LAMA3: variants seen among roughly 807,000 people sequenced by gnomAD.
LAMA3 encodes laminin subunit alpha 3, also known as laminin subunit alpha-3.
LAMA3 carries 281 observed loss-of-function variants against 402.0 expected under a neutral mutation model. That is an observed-to-expected ratio of 0.70 (90% CI 0.63 to 0.77). The LOEUF (loss-of-function observed/expected upper bound fraction) is 0.77. Among genes scored for constraint, LAMA3 ranks in the 30% least tolerant of loss-of-function variants. The pLI, the probability that LAMA3 is intolerant of heterozygous loss-of-function variation, is 0.00. For synonymous variants in LAMA3, 1,431 were observed against 1,558.4 expected, an observed-to-expected ratio of 0.92 and a Z score of 1.93; for missense variants, 3,840 against 4,215.5, an observed-to-expected ratio of 0.91 and a Z score of 2.47.
chr18:23,915,314 C>T lies in LAMA3; in HGVS notation c.7670C>T (p.Pro2557Leu), dbSNP rs2081575636. ...CTTCCCAGTCGACTAAGTTTCCCTC[C>T]ATACAAAGGTTGTATTGAATTAGAT... ...FKLPSRLSFP[P>L]YKGCIELDDL... The change falls in exon 59 of 75, where the codon CCA becomes CTA. Residue 2557 changes from proline to leucine, a missense_variant. By Grantham distance (98) the Pro-to-Leu change is moderately conservative (BLOSUM62 -3). Coordinates refer to ENST00000313654, the MANE Select transcript of LAMA3 (RefSeq NM_198129.4). The T allele has an allele frequency of 6.2e-7, 1 of 1,613,096 alleles. No individual in the cohort carries two copies. Among genetic ancestry groups the T allele is most frequent in the Non-Finnish European group, 8.5e-7 (1 of 1,179,188 alleles).
At position 23,871,554 on chromosome 18, in the gene LAMA3, C is replaced by T. The variant is rs762230601; in HGVS notation, c.4891C>T (p.Leu1631=). The change falls in exon 38 of 75, where the codon CTG becomes TTG. Residue 1631 remains leucine (L), a synonymous_variant. Coordinates refer to ENST00000313654, the MANE Select transcript of LAMA3 (RefSeq NM_198129.4). Reference sequence around the variant, plus strand: ...CTTCACAGAGACTCAAAGGCTCACCCTGAGCGAGGTGGGGCTAGAGGAAGC... The same window carrying T: ...CTTCACAGAGACTCAAAGGCTCACCTTGAGCGAGGTGGGGCTAGAGGAAGC... ...LYFTETQRLT[L]SEVGLEEASD... 6.2e-7 allele frequency: 1 copy of T among 1,614,222 alleles called. No individual in the cohort carries two copies. Among genetic ancestry groups the T allele is most frequent in the Non-Finnish European group, 8.5e-7 (1 of 1,180,032 alleles).
At chr18:23,808,984 GTACAC>G (rs1013667778) in intron 12 of LAMA3, among the ~76,000 whole-genome samples, 1 of 152,134 alleles carries the variant, frequency 6.6e-6, no homozygotes, top group Non-Finnish European at 1.5e-5. Context: ...CTTTTACTGT[GTACAC>G]TACACTGGAT....
intron 50 of LAMA3, 146 bp from the exon 51 acceptor site, chr18:23,904,407 A>G (rs1454001345): frequency 5.1e-5 from 50 of 978,264 alleles, no homozygotes; most frequent in Non-Finnish European, 7.3e-5. Flanking sequence ...AGACTCTGCC[A>G]TCTCTTTATT....
intron 49 of LAMA3, among the ~76,000 whole-genome samples, chr18:23,903,427 G>C (rs558420078): frequency 6.6e-6 from 1 of 152,286 alleles, no homozygotes; most frequent in South Asian, 2.1e-4. Flanking sequence ...ATTAACAGAA[G>C]ATATTTAAGA....
In LAMA3 at chr18:23,748,070, C is replaced by G; in HGVS notation, c.565+10C>G. 2 of 1,398,460 alleles carry G rather than the reference C, an allele frequency of 1.4e-6. No individual in the cohort carries two copies. Among genetic ancestry groups the G allele is most frequent in the Non-Finnish European group, 2.0e-6 (2 of 983,080 alleles). 86.6% of individuals were successfully genotyped at this position (1,398,460 alleles called of 1,614,324 possible). On this transcript the variant is annotated intron_variant, in intron 3 of 74. Coordinates refer to ENST00000313654, the MANE Select transcript of LAMA3 (RefSeq NM_198129.4). Reference sequence around the variant, plus strand: ...TGGCAATATTTTGCTCGTAAGTAATCTTGCCTACCATGTTATGCATGGCTT... The same window carrying G: ...TGGCAATATTTTGCTCGTAAGTAATGTTGCCTACCATGTTATGCATGGCTT...
intron 4 of LAMA3, among the ~76,000 whole-genome samples, chr18:23,750,550 C>A (rs1422782633): frequency 3.2e-5 from 4 of 125,504 alleles, no homozygotes; most frequent in African/African-American, 1.2e-4. Context: ...AGCTTTGTTT[C>A]TTTGATGCAG....
chr18:23,827,061 G>A (rs1182644262), intron 22 of LAMA3, among the ~76,000 whole-genome samples: 1 of 152,198 alleles, frequency 6.6e-6, no homozygotes, highest in Non-Finnish European at 1.5e-5. Context: ...TGCCCTCAAG[G>A]TCAGTCATAC....
intron 41 of LAMA3, among the ~76,000 whole-genome samples, chr18:23,885,362 C>T (rs1275839889): frequency 2.8e-5 from 4 of 141,772 alleles, no homozygotes; most frequent in Non-Finnish European, 6.2e-5. Flanking sequence ...CCCACACACA[C>T]CCCTCTATCC....
chr18:23,730,981 T>C (rs2061385517), intron 2 of LAMA3, among the ~76,000 whole-genome samples: 1 of 152,062 alleles, frequency 6.6e-6, no homozygotes, highest in Non-Finnish European at 1.5e-5. Context: ...AAGTGGATTG[T>C]TACAGAGAAG....
At chr18:23,744,603 A>G (rs1189672775) in intron 2 of LAMA3, among the ~76,000 whole-genome samples, 2 of 152,098 alleles carry the variant, frequency 1.3e-5, no homozygotes, top group African/African-American at 4.8e-5. Context: ...AGGCTGAGGC[A>G]AGTGGATCAC....
chr18:23,694,733 G>A (rs1447296257), intron 1 of LAMA3, among the ~76,000 whole-genome samples: 8 of 152,104 alleles, frequency 5.3e-5, no homozygotes, highest in African/African-American at 9.7e-5. Context: ...TAAACTTTGC[G>A]TTGCCTTGCT....
intron 65 of LAMA3, 112 bp from the exon 66 acceptor site, chr18:23,932,048 T>C: frequency 7.7e-7 from 1 of 1,303,912 alleles, no homozygotes; most frequent in Non-Finnish European, 1.1e-6. Flanking sequence ...GTTTCACTAG[T>C]TATTTTAGAT....
At position 23,943,958 on chromosome 18, in the gene LAMA3, G is replaced by A. The variant is rs1469223040; in HGVS notation, c.9197G>A (p.Gly3066Glu). The change falls in exon 69 of 75, where the codon GGG (glycine) becomes GAG (glutamate). Residue 3066 changes from glycine to glutamate, a missense_variant. By Grantham distance (98) the Gly-to-Glu change is moderately conservative. Around this residue, in one of 3 missense-constraint regions of LAMA3, gnomAD observed 840 missense variants for 981.9 expected, o/e 0.86. Transcript: ENST00000313654. ...RIKSKEKCND[G>E]KWHTVVFGHD... ...AAAAGCAAGGAGAAATGCAATGATG[G>A]GAAATGGCACACGGTAAGAGCTGGG... 2 of 1,614,050 alleles carry A rather than the reference G, an allele frequency of 1.2e-6. No individual in the cohort carries two copies. Among genetic ancestry groups the A allele is most frequent in the East Asian group, 2.2e-5 (1 of 44,884 alleles).
chr18:23,934,552 G>T (rs935440711), intron 67 of LAMA3, among the ~76,000 whole-genome samples: 11 of 152,122 alleles, frequency 7.2e-5, no homozygotes, highest in Non-Finnish European at 1.6e-4. Context: ...ACAGGATCAG[G>T]GTTTAAGGAG....
intron 19 of LAMA3, among the ~76,000 whole-genome samples, chr18:23,820,413 G>T (rs1295389702): frequency 6.6e-6 from 1 of 152,170 alleles, no homozygotes; most frequent in African/African-American, 2.4e-5. Context: ...TAAAGCTAGT[G>T]TTCCTAATTT....
intron 12 of LAMA3, among the ~76,000 whole-genome samples, chr18:23,792,816 G>A (rs1389987776): frequency 6.6e-6 from 1 of 152,180 alleles, no homozygotes; most frequent in Admixed American, 6.5e-5. Flanking sequence ...CCAGGTGAGT[G>A]TCTTGGTTCC....
rs370409067 is a variant in LAMA3, at chr18:23,890,007, G to A, written c.5304-4G>A. 108 of 1,608,362 alleles carry A rather than the reference G, an allele frequency of 6.7e-5. No individual in the cohort carries two copies. Among genetic ancestry groups the A allele is most frequent in the Middle Eastern group, 1.6e-4 (1 of 6,078 alleles). ...GTTTCTCCTCCTCTCTATATTTTGT[G>A]TAGGTGTGCACCGGGATATTTCGGG... On this transcript the variant is annotated splice_polypyrimidine_tract_variant and splice_region_variant and intron_variant, in intron 41 of 74. Coordinates refer to ENST00000313654, the MANE Select transcript of LAMA3 (RefSeq NM_198129.4).
intron 1 of LAMA3, among the ~76,000 whole-genome samples, chr18:23,697,320 C>T (rs539955720): frequency 3.9e-4 from 59 of 152,300 alleles, no homozygotes; most frequent in Non-Finnish European, 7.9e-4. Flanking sequence ...CTGCCCTCCC[C>T]ATGCCTGACT....
intron 57 of LAMA3, 24 bp from the exon 58 acceptor site, chr18:23,914,674 A>G (rs1290448072): frequency 3.7e-6 from 6 of 1,600,776 alleles, no homozygotes; most frequent in Admixed American, 1.7e-5. Flanking sequence ...GTTTAACTTT[A>G]TTATCTAAAT....
Sources: gnomAD v4.1 joint callset for allele counts (sites outside exome capture counted in the v4.1 genomes callset) on GRCh38, gnomAD v4.1.1 for gene constraint, gnomAD v4.1.1 regional missense constraint, MANE v1.5 for transcripts, NCBI Gene and HGNC (gene_info 2026-07-23, HGNC 2026-07-21) for gene names.